The following NKAIN2 variants were observed in gnomAD, a reference collection of about 807,000 sequenced individuals.
NKAIN2 encodes the protein sodium/potassium-transporting ATPase subunit beta-1-interacting protein 2.
A neutral mutation model predicts 32.6 loss-of-function variants in NKAIN2; 14 were observed. That is an observed-to-expected ratio of 0.43 (90% confidence interval 0.28 to 0.67). The LOEUF is 0.67. Among genes scored for constraint, NKAIN2 ranks in the 30% least tolerant of loss-of-function variants. NKAIN2 has a pLI of 0.17. For synonymous variants in NKAIN2, 80 were observed against 87.2 expected (o/e 0.92, Z 0.46); for missense variants, 198 against 258.3 (o/e 0.77, Z 1.60).
intron 3 of NKAIN2, among the ~76,000 whole-genome samples, chr6:124,564,174 T>A (rs1335249203): frequency 6.6e-6 from 1 of 152,152 alleles, no homozygotes; most frequent in Non-Finnish European, 1.5e-5. Context: ...TCTGTCTAGC[T>A]AGAGGATTGT....
At position 124,203,060 on chromosome 6, in the gene NKAIN2, G is replaced by C. The variant is rs192746628; in HGVS notation, c.55-79945G>C. Among the ~76,000 whole-genome samples, 151 of 152,028 alleles carry C rather than the reference G, an allele frequency of 9.9e-4. 1 individual carries two copies. Among genetic ancestry groups the C allele is most frequent in the African/African-American group, 3.5e-3 (146 of 41,518 alleles). On this transcript the variant is annotated intron_variant, in intron 1 of 6. Coordinates refer to ENST00000368417, the MANE Select transcript of NKAIN2 (RefSeq NM_001040214.3). ...GCTGTCTGTTTAAATGTTAAGAACA[G>C]ACTGTAAAAGTAGAGTTTAATTTAA...
chr6:124,001,684 A>C lies in NKAIN2; in HGVS notation c.54+197430A>C, dbSNP rs147859657. 3.3e-3 allele frequency among the ~76,000 whole-genome samples: 504 copies of C among 151,544 alleles called. 3 individuals carry two copies. Among genetic ancestry groups the C allele is most frequent in the African/African-American group, 0.012 (483 of 41,456 alleles). Reference sequence around the variant, plus strand: ...TGCCAAATTGACAGTTTTTTAAATAATTGTTTTGTTTAGAAAGGTCACATA... The same window carrying C: ...TGCCAAATTGACAGTTTTTTAAATACTTGTTTTGTTTAGAAAGGTCACATA... On this transcript the variant is annotated intron_variant, in intron 1 of 6. Transcript: ENST00000368417.
chr6:124,105,631 T>C (rs1350863812), intron 1 of NKAIN2, among the ~76,000 whole-genome samples: 1 of 152,162 alleles, frequency 6.6e-6, no homozygotes, highest in Non-Finnish European at 1.5e-5. Context: ...AAGATGGATT[T>C]AAGGGGCTCA....
intron 1 of NKAIN2, among the ~76,000 whole-genome samples, chr6:123,842,532 T>C (rs941974104): frequency 2.6e-5 from 4 of 152,138 alleles, no homozygotes; most frequent in Non-Finnish European, 4.4e-5. Flanking sequence ...CATATGAATC[T>C]TGAGGAGACA....
intron 1 of NKAIN2, among the ~76,000 whole-genome samples, chr6:123,921,186 C>G (rs1350381734): frequency 6.6e-6 from 1 of 152,176 alleles, no homozygotes. Context: ...AACACAGGAA[C>G]TTTTAAAAGT....
rs1178114992 is a variant in NKAIN2, at chr6:123,964,475, A to C, written c.54+160221A>C. Among the ~76,000 whole-genome samples, 1 of 152,124 alleles carries C rather than the reference A, an allele frequency of 6.6e-6. No homozygotes were observed. The highest frequency in any genetic ancestry group is 1.5e-5 in the Non-Finnish European group (1 of 68,020). On this transcript the variant is annotated intron_variant, in intron 1 of 6. Transcript: ENST00000368417. This position sits in a 1 kb window ranked among gnomAD's most constrained non-coding sequence, Gnocchi z 4.0. ...ATCAGGTATATAAAAACTTCCCTTAAAAGTGGTCTCTGCTATGCAAACTAA... is the reference window on the plus strand; with the variant it reads ...ATCAGGTATATAAAAACTTCCCTTACAAGTGGTCTCTGCTATGCAAACTAA...
chr6:124,263,088 G>A (rs1794325187), intron 1 of NKAIN2, among the ~76,000 whole-genome samples: 1 of 152,158 alleles, frequency 6.6e-6, no homozygotes, highest in Non-Finnish European at 1.5e-5. Flanking sequence ...AACATTCTGT[G>A]AGGAAGATGC....
chr6:124,068,561 C>T (rs1019523827), intron 1 of NKAIN2, among the ~76,000 whole-genome samples: 5 of 151,822 alleles, frequency 3.3e-5, no homozygotes, highest in Admixed American at 6.6e-5. Context: ...ATTTCATTAA[C>T]GTACTCCAGA....
chr6:124,748,014 A>C (rs573586010), intron 4 of NKAIN2, among the ~76,000 whole-genome samples: 13 of 151,956 alleles, frequency 8.6e-5, no homozygotes, highest in Admixed American at 3.3e-4. Flanking sequence ...ACAAATTATC[A>C]CAAAAGTGAA....
intron 4 of NKAIN2, among the ~76,000 whole-genome samples, chr6:124,788,151 T>C (rs1385495649): frequency 6.6e-6 from 1 of 152,158 alleles, no homozygotes; most frequent in Non-Finnish European, 1.5e-5. Context: ...AAGCTAGGAC[T>C]ATATTTCAAA....
Position 124,712,466 on chromosome 6 carries a change from C to T in NKAIN2, c.474+54080C>T, listed in dbSNP as rs9491217. Among the ~76,000 whole-genome samples, 321 of 89,712 alleles carry T rather than the reference C, an allele frequency of 3.6e-3. 15 individuals are homozygous for T. The highest frequency in any genetic ancestry group is 0.024 in the Middle Eastern group (4 of 170). 58.9% of individuals were successfully genotyped at this position (89,712 alleles called of 152,430 possible). A position where few individuals can be genotyped will look rare whatever the true frequency, so the allele number is the denominator to read the frequency against. On this transcript the variant is annotated intron_variant, in intron 4 of 6. Coordinates refer to ENST00000368417, the MANE Select transcript of NKAIN2 (RefSeq NM_001040214.3). ...CTCAGACTGCTGTGCTAGCAATCAG[C>T]GAGACTCCGTGGGCGTAGGACCCTC...
intron 4 of NKAIN2, among the ~76,000 whole-genome samples, chr6:124,727,271 T>C (rs1225059008): frequency 6.6e-6 from 1 of 151,734 alleles, no homozygotes; most frequent in Admixed American, 6.6e-5. Context: ...TCACCAAAGT[T>C]GAAATGAAGG....
At chr6:124,000,371 T>A (rs962035022) in intron 1 of NKAIN2, among the ~76,000 whole-genome samples, 17 of 152,160 alleles carry the variant, frequency 1.1e-4, no homozygotes, top group African/African-American at 4.1e-4. Flanking sequence ...AATATTTGTC[T>A]TGTATTTACC....
intron 1 of NKAIN2, among the ~76,000 whole-genome samples, chr6:124,276,293 A>AACACACAC (rs149321217): frequency 0.013 from 1,912 of 145,928 alleles, 30 homozygotes; most frequent in East Asian, 0.079. Context: ...CCCCTTGGTG[A>AACACACAC]ACACACACAC....
chr6:124,102,430 T>C (rs1253413040), intron 1 of NKAIN2, among the ~76,000 whole-genome samples: 1 of 152,212 alleles, frequency 6.6e-6, no homozygotes, highest in African/African-American at 2.4e-5. Flanking sequence ...TAGTCTCATC[T>C]AAAAGGTGAA....
intron 1 of NKAIN2, among the ~76,000 whole-genome samples, chr6:123,884,384 A>T (rs887395916): frequency 5.9e-5 from 9 of 152,216 alleles, no homozygotes; most frequent in Non-Finnish European, 1.2e-4. Context: ...ACTAACACAC[A>T]CACATTTTTG....
chr6:124,251,732 AG>A (rs1793698439), intron 1 of NKAIN2, among the ~76,000 whole-genome samples: 1 of 152,050 alleles, frequency 6.6e-6, no homozygotes, highest in African/African-American at 2.4e-5. Flanking sequence ...AGTGTCAGTG[AG>A]GATGTGGTGC....
At chr6:124,102,497 GTCGT>G (rs1304629110) in intron 1 of NKAIN2, among the ~76,000 whole-genome samples, 1 of 152,208 alleles carries the variant, frequency 6.6e-6, no homozygotes, top group Non-Finnish European at 1.5e-5. Context: ...TTCTGAGTAA[GTCGT>G]TCGATGCCCC....
At chr6:123,989,922 A>T (rs1779339813) in intron 1 of NKAIN2, among the ~76,000 whole-genome samples, 1 of 152,248 alleles carries the variant, frequency 6.6e-6, no homozygotes, top group South Asian at 2.1e-4. Context: ...TCATTCTCAC[A>T]CAGCTATGAA....
Sources: allele counts gnomAD v4.1 joint callset (sites outside exome capture counted in the v4.1 genomes callset), GRCh38; gene constraint gnomAD v4.1.1; non-coding constraint Gnocchi (gnomAD v3.1); transcripts MANE v1.5; gene names NCBI Gene and HGNC (gene_info 2026-07-23, HGNC 2026-07-21).